Variants in EPB41L1 observed in about 807,000 individuals in gnomAD.
EPB41L1 encodes band 4.1-like protein 1.
EPB41L1 carries 29 observed loss-of-function variants against 97.8 expected under a neutral mutation model. The observed-to-expected ratio is 0.30, with a 90% CI of 0.22 to 0.40. EPB41L1 has a LOEUF of 0.40. Ranked by LOEUF, EPB41L1 falls within the 10% of genes least tolerant of loss-of-function variation. The probability of loss-of-function intolerance (pLI) is 1.00; values close to 1 mark genes in which losing one functional copy is unlikely to be tolerated. For missense variants in EPB41L1, 812 were observed against 1,162.3 expected (o/e 0.70, Z 4.38); for synonymous variants, 383 against 459.2 (o/e 0.83, Z 2.12).
At chr20:36,178,471 A>AC (rs2061341497) in intron 4 of EPB41L1, among the ~76,000 whole-genome samples, 159 bp from the exon 5 acceptor site, 1 of 151,454 alleles carries the variant, frequency 6.6e-6, no homozygotes, top group African/African-American at 2.4e-5. Flanking sequence ...CATTCCCCTC[A>AC]CCCCCTAGTC....
intron 2 of EPB41L1, among the ~76,000 whole-genome samples, chr20:36,125,271 C>T (rs1392612836): frequency 1.3e-5 from 2 of 152,178 alleles, no homozygotes; most frequent in Admixed American, 1.3e-4. Flanking sequence ...TCTGATTCCA[C>T]ATGGCCATTA....
At chr20:36,118,212 A>G (rs1600392312) in intron 2 of EPB41L1, among the ~76,000 whole-genome samples, 1 of 152,132 alleles carries the variant, frequency 6.6e-6, no homozygotes, top group South Asian at 2.1e-4. Context: ...TAAATAAAAC[A>G]CAGATGGTGC....
intron 1 of EPB41L1, chr20:36,155,861 T>C (rs1257179945): frequency 3.2e-6 from 1 of 316,980 alleles, no homozygotes; most frequent in Non-Finnish European, 6.4e-6. Context: ...ATTTAGGACC[T>C]CTCCAGGGCT....
At chr20:36,098,077 C>T (rs2057891230) in intron 1 of EPB41L1, among the ~76,000 whole-genome samples, 1 of 152,158 alleles carries the variant, frequency 6.6e-6, no homozygotes, top group African/African-American at 2.4e-5. Context: ...CAATGGGAGG[C>T]CCCACTGGGG....
At chr20:36,110,622 TACACACACACACACACACAC>T (rs11473679) in intron 1 of EPB41L1, 1,483 of 138,880 alleles carry the variant, frequency 0.011, 59 homozygotes, top group Admixed American at 0.078. Flanking sequence ...CAGTTTGCTT[TACACACACACACACACACAC>T]ACACACACAC....
At chr20:36,122,931 A>G (rs1015349417) in intron 2 of EPB41L1, among the ~76,000 whole-genome samples, 2 of 152,162 alleles carry the variant, frequency 1.3e-5, no homozygotes, top group Admixed American at 6.5e-5. Flanking sequence ...CCACCTGGGT[A>G]AAATGAGTGC....
intron 2 of EPB41L1, among the ~76,000 whole-genome samples, chr20:36,115,658 G>A (rs1354387423): frequency 1.3e-5 from 2 of 152,122 alleles, no homozygotes; most frequent in African/African-American, 4.8e-5. Flanking sequence ...TTGGGAGGCC[G>A]AGGCAGGTGG....
At chr20:36,171,589 G>A (rs901871620) in intron 1 of EPB41L1, among the ~76,000 whole-genome samples, 1 of 152,172 alleles carries the variant, frequency 6.6e-6, no homozygotes, top group Admixed American at 6.5e-5. Flanking sequence ...TCTGTGGGGG[G>A]CTGAGGATGT....
rs549431310 is a variant in EPB41L1 at position 36,160,591 on chromosome 20, A to C, written c.-15+5695A>C. Among the ~76,000 whole-genome samples, 3 of 149,006 alleles carry C rather than the reference A, an allele frequency of 2.0e-5. No homozygotes were observed. The East Asian group carries it at 5.8e-4, about 29-fold the overall frequency. Reference sequence around the variant, plus strand: ...GGTGACAGAGCGAGACTCCGTCACAAAAAAAAAAAAGAAAGAAAGAAAGAA... The same window carrying C: ...GGTGACAGAGCGAGACTCCGTCACACAAAAAAAAAAGAAAGAAAGAAAGAA... On this transcript the variant is annotated intron_variant, in intron 1 of 21. Transcript: ENST00000338074.
At chr20:36,097,001 C>A (rs941211688) in intron 1 of EPB41L1, among the ~76,000 whole-genome samples, 6 of 152,236 alleles carry the variant, frequency 3.9e-5, no homozygotes, top group African/African-American at 1.4e-4. Context: ...TTTGAGCACT[C>A]ACCGTGGGTC....
At position 36,195,636 on chromosome 20, in the gene EPB41L1, G is replaced by A. The variant is rs1169774173; in HGVS notation, c.1485+272G>A. Among the ~76,000 whole-genome samples, 3 of 142,662 alleles carry A rather than the reference G, an allele frequency of 2.1e-5. No individual in the cohort carries two copies. Among genetic ancestry groups the A allele is most frequent in the South Asian group, 2.6e-4 (1 of 3,848 alleles). The allele number at this position is 142,662 out of a possible 152,430, so 93.6% of individuals were successfully genotyped here. On this transcript the variant is annotated intron_variant, in intron 13 of 21. Transcript: ENST00000338074. The surrounding 1 kb of genome is among the most constrained non-coding windows in gnomAD (Gnocchi z 4.6). Reference sequence around the variant, plus strand: ...CTCCCACCCTCTCCCCAGCTCACCCGGTCCTCCATACTTGCAGCTCACCTG... The same window carrying A: ...CTCCCACCCTCTCCCCAGCTCACCCAGTCCTCCATACTTGCAGCTCACCTG...
chr20:36,108,141 G>A (rs1365476924), intron 1 of EPB41L1, among the ~76,000 whole-genome samples: 1 of 151,752 alleles, frequency 6.6e-6, no homozygotes, highest in Non-Finnish European at 1.5e-5. Context: ...ACCTCACCCA[G>A]CTAAATTTTT....
chr20:36,225,476 T>C (rs2064077226), intron 21 of EPB41L1, among the ~76,000 whole-genome samples: 1 of 152,166 alleles, frequency 6.6e-6, no homozygotes, highest in African/African-American at 2.4e-5. Flanking sequence ...CCTTGGTCCT[T>C]AGGGAGTCCG....
At chr20:36,130,530 C>T (rs1009557711) in intron 2 of EPB41L1, among the ~76,000 whole-genome samples, 1 of 152,004 alleles carries the variant, frequency 6.6e-6, no homozygotes, top group Non-Finnish European at 1.5e-5. Flanking sequence ...ATGGATATTC[C>T]GGCTGTTTCT....
At chr20:36,144,872 A>G (rs2059776708) in intron 2 of EPB41L1, among the ~76,000 whole-genome samples, 1 of 152,186 alleles carries the variant, frequency 6.6e-6, no homozygotes, top group Non-Finnish European at 1.5e-5. Context: ...ATAACTCCAT[A>G]TGGTTATTAT....
intron 1 of EPB41L1, chr20:36,155,254 G>A (rs1569152389): frequency 2.2e-6 from 1 of 445,684 alleles, no homozygotes; most frequent in Non-Finnish European, 4.5e-6. Context: ...TGCTTCTGAC[G>A]CTGCAGGAGG....
Position 36,120,694 on chromosome 20 carries a change from G to A in EPB41L1, c.-10+8214G>A, listed in dbSNP as rs999406643. ...TCCAGCTGCTCCTCCACTGGGTCCT[G>A]ATTTAGTCCGCAAATTTTTATTAAA... On this transcript the variant is annotated intron_variant, in intron 2 of 19. Transcript: ENST00000202028. 2.0e-5 allele frequency among the ~76,000 whole-genome samples: 3 copies of A among 152,210 alleles called. No homozygotes were observed. The South Asian group carries it at 6.2e-4, about 32-fold the overall frequency.
intron 2 of EPB41L1, among the ~76,000 whole-genome samples, chr20:36,138,262 CTT>C (rs34787525): frequency 1.4e-3 from 178 of 131,752 alleles, no homozygotes; most frequent in African/African-American, 4.3e-3. Context: ...ATGGTTAGCA[CTT>C]TTTTTTTTTT....
In EPB41L1 at chr20:36,187,585, A is replaced by G. The variant is rs560201747; in HGVS notation, c.786-91A>G. On this transcript the variant is annotated intron_variant, in intron 7 of 21. Coordinates refer to ENST00000338074, the MANE Select transcript of EPB41L1 (RefSeq NM_012156.2). The stretch of plus-strand genomic sequence containing the variant: ...AGGCTCAGCATATTTGACTTTCTAG[A>G]ATCATGGGTTCTGATGGTGGGCACC... 5.0e-5 allele frequency: 52 copies of G among 1,031,804 alleles called. No individual in the cohort carries two copies. The African/African-American group carries it at 7.9e-4, about 16-fold the overall frequency. 63.9% of individuals were successfully genotyped at this position (1,031,804 alleles called of 1,614,324 possible).
Sources: gnomAD v4.1 joint callset for allele counts (sites outside exome capture counted in the v4.1 genomes callset) on GRCh38, gnomAD v4.1.1 for gene constraint, Gnocchi (gnomAD v3.1) non-coding constraint, MANE v1.5 for transcripts, NCBI Gene and HGNC (gene_info 2026-07-23, HGNC 2026-07-21) for gene names.